TSEN2: variants seen among roughly 807,000 people sequenced by gnomAD.
TSEN2 encodes tRNA-splicing endonuclease subunit Sen2.
Under a neutral mutation model 59.2 loss-of-function variants are expected in TSEN2, and 54 were observed. The observed-to-expected ratio is 0.91, with a 90% CI of 0.73 to 1.14. The LOEUF (loss-of-function observed/expected upper bound fraction) is 1.14. Among genes scored for constraint, TSEN2 ranks in the 50% most tolerant of loss-of-function variants. The probability of loss-of-function intolerance (pLI) is 0.00; values close to 1 mark genes in which losing one functional copy is unlikely to be tolerated. For missense variants in TSEN2, 636 were observed against 576.2 expected (o/e 1.10, Z -1.06); for synonymous variants, 195 against 198.2 (o/e 0.98, Z 0.14).
chr3:12,492,805 T>C (rs561639149), intron 3 of TSEN2, among the ~76,000 whole-genome samples: 1 of 152,292 alleles, frequency 6.6e-6, no homozygotes, highest in African/African-American at 2.4e-5. Flanking sequence ...TATACTGCAT[T>C]GGTGAGGACT....
In TSEN2 at chr3:12,517,948, A is replaced by C. The variant is rs3796324; in HGVS notation, c.961-1111A>C. Among the ~76,000 whole-genome samples the C allele has an allele frequency of 6.2e-3, 946 of 152,220 alleles. 73 individuals are homozygous for C. In the East Asian group the frequency reaches 0.16, roughly 26 times the overall value. Reference sequence around the variant, plus strand: ...CATTAGGAACAACTGCAAAAAAAAAACAACTCTAGTCTATTGTATTATAAT... The same window carrying C: ...CATTAGGAACAACTGCAAAAAAAAACCAACTCTAGTCTATTGTATTATAAT... On this transcript the variant is annotated intron_variant, in intron 7 of 11. Coordinates refer to ENST00000284995, the MANE Select transcript of TSEN2 (RefSeq NM_025265.4).
chr3:12,480,403 C>G (rs1356008196), upstream of TSEN2, among the ~76,000 whole-genome samples: 1 of 152,212 alleles, frequency 6.6e-6, no homozygotes, highest in African/African-American at 2.4e-5. Flanking sequence ...CCACCTCTTC[C>G]TGGAAGCCTC....
intron 5 of TSEN2, 126 bp from the exon 6 acceptor site, chr3:12,505,028 A>T (rs912811029): frequency 2.8e-6 from 2 of 705,880 alleles, no homozygotes; most frequent in East Asian, 5.5e-5. Flanking sequence ...ATCATTCTTT[A>T]TAATATTAAC....
rs754359068 is a variant in TSEN2 at position 12,532,722 on chromosome 3, C to A, written c.*1C>A. The A allele has an allele frequency of 6.2e-7, 1 of 1,613,948 alleles. No homozygotes were observed. Among genetic ancestry groups the A allele is most frequent in the South Asian group, 1.1e-5 (1 of 91,086 alleles). ...GAGGAGTGACCAAGACGATCTTTAA[C>A]AATTCAACCTCAAATTTCTAATTTC... On this transcript the variant is annotated 3_prime_UTR_variant, in exon 12 of 12. Coordinates refer to ENST00000284995, the MANE Select transcript of TSEN2 (RefSeq NM_025265.4).
intron 8 of TSEN2, among the ~76,000 whole-genome samples, chr3:12,526,635 A>G (rs1240891253): frequency 6.6e-6 from 1 of 152,218 alleles, no homozygotes; most frequent in East Asian, 1.9e-4. Context: ...TGTTACTAGC[A>G]TAGGTAACTT....
chr3:12,516,793 C>A, intron 7 of TSEN2, 132 bp downstream of exon 7: 1 of 1,034,008 alleles, frequency 9.7e-7, no homozygotes, highest in Non-Finnish European at 1.5e-6. Flanking sequence ...GAATTTTTCT[C>A]TAAAGTTTTG....
At chr3:12,530,392 G>A in intron 10 of TSEN2, 1 of 985,932 alleles carries the variant, frequency 1.0e-6, no homozygotes. Context: ...CACAGCTCAT[G>A]TGCATACTCG....
chr3:12,507,623 C>G (rs2054982998), intron 6 of TSEN2, among the ~76,000 whole-genome samples: 1 of 152,138 alleles, frequency 6.6e-6, no homozygotes, highest in South Asian at 2.1e-4. Flanking sequence ...CTACTATGTG[C>G]CAGGCATTGG....
Position 12,518,913 on chromosome 3 carries a change from AT to A in TSEN2, c.961-145del, listed in dbSNP as rs371819290. 1.8e-3 allele frequency: 1,413 copies of A among 804,832 alleles called. 33 individuals are homozygous for A. In the South Asian group the frequency reaches 0.022, roughly 13 times the overall value. 49.9% of individuals were successfully genotyped at this position (804,832 alleles called of 1,614,324 possible). The stretch of plus-strand genomic sequence containing the variant: ...GACAGAGCGAGACTCTGTCTCAAAA[AT>A]AAAATAAATAAATTGCTCTGCTGGG... On this transcript the variant is annotated intron_variant, in intron 7 of 11. Transcript: ENST00000284995.
intron 1 of TSEN2, among the ~76,000 whole-genome samples, chr3:12,489,047 A>G (rs147337376): frequency 1.9e-3 from 287 of 152,324 alleles, no homozygotes; most frequent in African/African-American, 6.6e-3. Flanking sequence ...ACTGTAAGAT[A>G]GAGTCGTTCT....
chr3:12,501,980 G>C (rs1345583963), intron 4 of TSEN2, among the ~76,000 whole-genome samples: 5 of 152,100 alleles, frequency 3.3e-5, no homozygotes, highest in African/African-American at 1.2e-4. Context: ...TTTGTAACTT[G>C]GGTGTTAGCT....
Position 12,503,428 on chromosome 3 carries a change from T to A in TSEN2, c.475T>A (p.Ser159Thr). Residue 159 changes from serine (S) to threonine (T), a missense_variant, in exon 5 of 12, where the codon TCC becomes ACC. By Grantham distance (58) the Ser-to-Thr change is moderately conservative (BLOSUM62 1). Transcript: ENST00000284995. Reference sequence around the variant, plus strand: ...TGACAAGCTTAACTCTGGAATGGTTTCCAACATGGAAGGCACAGCAGGGGG... The same window carrying A: ...TGACAAGCTTAACTCTGGAATGGTTACCAACATGGAAGGCACAGCAGGGGG... Reference protein sequence around the residue: ...VHDKLNSGMVSNMEGTAGGER... With the variant: ...VHDKLNSGMVTNMEGTAGGER... 1 of 1,614,188 alleles carries A rather than the reference T, an allele frequency of 6.2e-7. No homozygotes were observed. Among genetic ancestry groups the A allele is most frequent in the Non-Finnish European group, 8.5e-7 (1 of 1,180,036 alleles).
intron 4 of TSEN2, among the ~76,000 whole-genome samples, chr3:12,502,322 G>C (rs755445125): frequency 1.3e-5 from 2 of 152,146 alleles, no homozygotes; most frequent in Non-Finnish European, 2.9e-5. Context: ...AAGGCGGTCG[G>C]ATCTCTTGAG....
At position 12,508,266 on chromosome 3, in the gene TSEN2, C is replaced by G. The variant is rs373783623; in HGVS notation, c.909+3035C>G. On this transcript the variant is annotated intron_variant, in intron 6 of 11. Transcript: ENST00000284995. ...CCTGCTGCCTCCTCTTGAACACCCC[C>G]TGATGAAAGGCAAGAGTAATAGGAG... Among the ~76,000 whole-genome samples, 198 of 152,280 alleles carry G rather than the reference C, an allele frequency of 1.3e-3. 3 individuals are homozygous for G. In the South Asian group the frequency reaches 0.039, roughly 30 times the overall value.
intron 10 of TSEN2, chr3:12,530,331 C>T (rs1273766009): frequency 1.0e-6 from 1 of 987,024 alleles, no homozygotes; most frequent in Non-Finnish European, 1.2e-6. Flanking sequence ...TATCCTCATC[C>T]TGAGGATGAG....
downstream of TSEN2, among the ~76,000 whole-genome samples, chr3:12,536,688 T>C (rs76203136): frequency 0.015 from 2,206 of 152,070 alleles, 33 homozygotes; most frequent in Admixed American, 0.043. Context: ...AACCTATAGA[T>C]TGGTATGTGG....
chr3:12,514,937 G>A (rs1575385032), intron 6 of TSEN2: 1 of 152,136 alleles, frequency 6.6e-6, no homozygotes, highest in East Asian at 1.9e-4. Flanking sequence ...GTCGCTTTAA[G>A]GTCTAATTTC....
intron 8 of TSEN2, among the ~76,000 whole-genome samples, chr3:12,525,250 C>A (rs547386528): frequency 6.6e-6 from 1 of 152,184 alleles, no homozygotes; most frequent in South Asian, 2.1e-4. Flanking sequence ...GGTTTTCCTG[C>A]TGTGGTGATG....
chr3:12,509,226 G>T (rs545447632), intron 6 of TSEN2, among the ~76,000 whole-genome samples: 1 of 150,782 alleles, frequency 6.6e-6, no homozygotes, highest in East Asian at 1.9e-4. Context: ...TTTGAGACAG[G>T]GTCTCGCTCT....
Sources: gnomAD v4.1 joint callset for allele counts (sites outside exome capture counted in the v4.1 genomes callset) on GRCh38, gnomAD v4.1.1 for gene constraint, MANE v1.5 for transcripts, NCBI Gene and HGNC (gene_info 2026-07-23, HGNC 2026-07-21) for gene names.